UGT2B7: variants seen among roughly 807,000 people sequenced by gnomAD.
The protein encoded by UGT2B7 is UDP-glucuronosyltransferase 2B7.
A neutral mutation model predicts 51.9 loss-of-function variants in UGT2B7; 51 were observed. That is an observed-to-expected ratio of 0.98 (90% CI 0.78 to 1.24). The LOEUF (loss-of-function observed/expected upper bound fraction) is 1.24. Ranked by LOEUF, UGT2B7 falls within the 50% of genes most tolerant of loss-of-function variation. The pLI, the probability that UGT2B7 is intolerant of heterozygous loss-of-function variation, is 0.00. For synonymous variants in UGT2B7, 225 were observed against 211.6 expected (o/e 1.06, Z -0.55); for missense variants, 727 against 628.4 (o/e 1.16, Z -1.68).
At chr4:69,067,216 A>C (rs1246552075) in intron 1 of UGT2B7, among the ~76,000 whole-genome samples, 1 of 152,102 alleles carries the variant, frequency 6.6e-6, no homozygotes. Flanking sequence ...TGTAGCCTTC[A>C]CTTATTGCCC....
At chr4:69,084,084 T>C (rs976697347) in intron 1 of UGT2B7, among the ~76,000 whole-genome samples, 1 of 152,100 alleles carries the variant, frequency 6.6e-6, no homozygotes, top group African/African-American at 2.4e-5. Flanking sequence ...GTTTTCATCA[T>C]GAAGAAATGT....
intron 1 of UGT2B7, among the ~76,000 whole-genome samples, chr4:69,053,224 T>C (rs1187949447): frequency 6.6e-6 from 1 of 152,242 alleles, no homozygotes; most frequent in Non-Finnish European, 1.5e-5. Context: ...AGGTAAAATT[T>C]AGCTTATCTG....
At chr4:69,107,772 TATCACA>T (rs1261441136) in intron 4 of UGT2B7, among the ~76,000 whole-genome samples, 1 of 152,070 alleles carries the variant, frequency 6.6e-6, no homozygotes, top group African/African-American at 2.4e-5. Context: ...CCACCCCATA[TATCACA>T]CTCTGTGACT....
Position 69,096,877 on chromosome 4 carries a change from T to C in UGT2B7, c.357T>C (p.Phe119=), listed in dbSNP as rs763001765. The C allele has an allele frequency of 2.5e-6, 4 of 1,613,290 alleles. No homozygotes were observed. The highest frequency in any genetic ancestry group is 3.4e-6 in the Non-Finnish European group (4 of 1,179,764). Residue 119 remains phenylalanine, a synonymous_variant, in exon 1 of 6, where the codon TTT becomes TTC. Coordinates refer to ENST00000305231, the MANE Select transcript of UGT2B7 (RefSeq NM_001074.4). ...AAGTACAGGAAATCATGTCAATATT[T>C]GGTGACATAACTAGAAAGTTCTGTA... The part of the protein sequence containing the change: ...FSQVQEIMSI[F]GDITRKFCKD...
In UGT2B7 at chr4:69,061,293, G is replaced by A. The variant is rs190760471; in HGVS notation, c.-159+9691G>A. 5.9e-5 allele frequency among the ~76,000 whole-genome samples: 9 copies of A among 152,312 alleles called. No individual in the cohort carries two copies. The South Asian group carries it at 6.2e-4, about 11-fold the overall frequency. On this transcript the variant is annotated intron_variant, in intron 1 of 5. Coordinates refer to the UGT2B7 transcript ENST00000502942. ...TAACTCCTGGAGGTAAAGAAATAAAGTGTAATGAAGAAATTCTACGGCTCC... is the reference window on the plus strand; with the variant it reads ...TAACTCCTGGAGGTAAAGAAATAAAATGTAATGAAGAAATTCTACGGCTCC...
intron 1 of UGT2B7, among the ~76,000 whole-genome samples, chr4:69,056,109 T>C (rs564914390): frequency 6.6e-6 from 1 of 152,222 alleles, no homozygotes; most frequent in Middle Eastern, 3.4e-3. Flanking sequence ...TTCTTTCTTC[T>C]TACTGCCCAT....
chr4:69,070,920 A>C (rs1718587481), intron 1 of UGT2B7, among the ~76,000 whole-genome samples: 1 of 152,152 alleles, frequency 6.6e-6, no homozygotes, highest in Admixed American at 6.6e-5. Context: ...TGAAATACAA[A>C]ATATTTTCTC....
chr4:69,073,716 C>CAAG (rs1375115681), intron 1 of UGT2B7, among the ~76,000 whole-genome samples: 2 of 144,296 alleles, frequency 1.4e-5, no homozygotes, highest in East Asian at 4.2e-4. Context: ...TAGCTAAGAT[C>CAAG]AAGAAAACAA....
chr4:69,098,790 A>G, intron 2 of UGT2B7, 102 bp downstream of exon 2: 2 of 1,556,132 alleles, frequency 1.3e-6, no homozygotes, highest in South Asian at 1.2e-5. Flanking sequence ...TGAAAGAAAG[A>G]TGGGAAATGG....
chr4:69,086,353 A>C (rs1024783138), intron 1 of UGT2B7, among the ~76,000 whole-genome samples: 2 of 151,668 alleles, frequency 1.3e-5, no homozygotes, highest in Non-Finnish European at 3.0e-5. Flanking sequence ...AATTGACACC[A>C]TTTTGATTTT....
At chr4:69,059,470 A>C (rs1314948318) in intron 1 of UGT2B7, among the ~76,000 whole-genome samples, 1 of 152,216 alleles carries the variant, frequency 6.6e-6, no homozygotes, top group Admixed American at 6.5e-5. Flanking sequence ...GGAGGCTATG[A>C]TGTTAACCCG....
upstream of UGT2B7, among the ~76,000 whole-genome samples, chr4:69,095,611 G>A (rs1391922243): frequency 6.6e-6 from 1 of 152,182 alleles, no homozygotes; most frequent in Non-Finnish European, 1.5e-5. Context: ...TAACTGTGAG[G>A]AAGTGAGTCG....
upstream of UGT2B7, among the ~76,000 whole-genome samples, chr4:69,095,862 AT>A (rs1321269739): frequency 2.6e-5 from 4 of 152,184 alleles, no homozygotes; most frequent in African/African-American, 9.7e-5. Flanking sequence ...ATATTGTATG[AT>A]TCTATGCATT....
chr4:69,064,445 A>G (rs1718444950), intron 1 of UGT2B7, among the ~76,000 whole-genome samples: 1 of 152,244 alleles, frequency 6.6e-6, no homozygotes, highest in Non-Finnish European at 1.5e-5. Flanking sequence ...GAAGGCCTGA[A>G]CTACAGCTGT....
chr4:69,094,919 T>C (rs1719180269), upstream of UGT2B7, among the ~76,000 whole-genome samples: 1 of 152,144 alleles, frequency 6.6e-6, no homozygotes, highest in Admixed American at 6.5e-5. Context: ...TCACCAGGAG[T>C]AGATTCCATC....
At chr4:69,059,690 G>T (rs1718300240) in intron 1 of UGT2B7, among the ~76,000 whole-genome samples, 1 of 152,038 alleles carries the variant, frequency 6.6e-6, no homozygotes, top group South Asian at 2.1e-4. Flanking sequence ...GGCCATACTG[G>T]GTGTCCGCAA....
At position 69,107,235 on chromosome 4, in the gene UGT2B7, A is replaced by G. The variant is rs778723463; in HGVS notation, c.1063A>G (p.Lys355Glu). 3.1e-6 allele frequency: 5 copies of G among 1,609,404 alleles called. No homozygotes were observed. In the South Asian group the frequency reaches 5.5e-5, roughly 18 times the overall value. Residue 355 changes from lysine to glutamate, a missense_variant, in exon 4 of 6, where the codon AAG becomes GAG. By Grantham distance (56) the Lys-to-Glu change is moderately conservative (BLOSUM62 1). Transcript: ENST00000305231. ...CTTAGGTCTCAATACTCGGCTCTAC[A>G]AGTGGATACCCCAGAATGACCTTCT... is the stretch of plus-strand genomic sequence containing the variant. ...DTLGLNTRLYKWIPQNDLLGH... is the reference protein window; with the variant it reads ...DTLGLNTRLYEWIPQNDLLGH...
intron 5 of UGT2B7, among the ~76,000 whole-genome samples, chr4:69,110,230 G>C (rs116728615): frequency 0.01 from 1,585 of 152,088 alleles, 29 homozygotes; most frequent in African/African-American, 0.036. Context: ...ATAGTTATCT[G>C]AAGTGATATG....
chr4:69,067,912 C>T (rs7441402), intron 1 of UGT2B7, among the ~76,000 whole-genome samples: 29,889 of 151,794 alleles, frequency 0.2, 3,121 homozygotes, highest in African/African-American at 0.25. Context: ...AAGATTGAGG[C>T]CAAAGTTGAA....
Sources: gnomAD v4.1 joint callset for allele counts (sites outside exome capture counted in the v4.1 genomes callset) on GRCh38, gnomAD v4.1.1 for gene constraint, MANE v1.5 for transcripts, NCBI Gene and HGNC (gene_info 2026-07-23, HGNC 2026-07-21) for gene names.